Variants in SH3KBP1 observed in about 807,000 individuals in gnomAD.
The protein encoded by SH3KBP1 is SH3 domain containing kinase binding protein 1.
A neutral mutation model predicts 50.1 loss-of-function variants in SH3KBP1; 8 were observed. The ratio of observed to expected loss-of-function variants is 0.16; its 90% CI spans 0.09 to 0.29. The LOEUF is 0.29. SH3KBP1 is among the 10% of genes least tolerant of loss of function. The probability of loss-of-function intolerance (pLI) is 1.00; values close to 1 mark genes in which losing one functional copy is unlikely to be tolerated. For missense variants in SH3KBP1, 377 were observed against 535.2 expected (o/e 0.70, Z 2.92); for synonymous variants, 227 against 218.6 (o/e 1.04, Z -0.34).
intron 2 of SH3KBP1, among the ~76,000 whole-genome samples, chrX:19,769,075 A>AT (rs36059368): frequency 0.035 from 2,841 of 81,107 alleles, 95 homozygotes; most frequent in East Asian, 0.057. Flanking sequence ...CTGCGTTATA[A>AT]TTTTTTTTTT....
At chrX:19,774,654 AAAAGAAAGAAAGAAAGAAAG>A (rs3999801) in intron 2 of SH3KBP1, among the ~76,000 whole-genome samples, 993 of 77,269 alleles carry the variant, frequency 0.013, 17 homozygotes, top group African/African-American at 0.035. Context: ...GTCTCAAAAA[AAAAGAAAGAAAGAAAGAAAG>A]AAAGAAAGAA....
chrX:19,786,583 T>C (rs768955026), intron 2 of SH3KBP1, among the ~76,000 whole-genome samples: 1 of 112,239 alleles, frequency 8.9e-6, no homozygotes, highest in African/African-American at 3.2e-5. Flanking sequence ...AGCAACAGTG[T>C]GACCAAATAC....
At chrX:19,567,307 C>G (rs1033230905) in intron 13 of SH3KBP1, among the ~76,000 whole-genome samples, 1 of 105,959 alleles carries the variant, frequency 9.4e-6, no homozygotes, top group Non-Finnish European at 1.9e-5. Context: ...TCGCTTGAGC[C>G]TAGGAGTTCG....
chrX:19,567,268 C>G (rs1341403228), intron 13 of SH3KBP1, among the ~76,000 whole-genome samples: 1 of 107,652 alleles, frequency 9.3e-6, no homozygotes, highest in Admixed American at 1.0e-4. Flanking sequence ...GCTGTAATCC[C>G]GGAACTTTGG....
intron 10 of SH3KBP1, among the ~76,000 whole-genome samples, chrX:19,594,672 T>C (rs1171812532): frequency 9.0e-6 from 1 of 111,571 alleles, no homozygotes; most frequent in Non-Finnish European, 1.9e-5. Context: ...CTTGTTTTTT[T>C]TGTTTGTTTG....
At chrX:19,828,649 T>C (rs1199889083) in intron 2 of SH3KBP1, among the ~76,000 whole-genome samples, 1 of 110,660 alleles carries the variant, frequency 9.0e-6, no homozygotes, top group Non-Finnish European at 1.9e-5. Context: ...CCAGGTGAGG[T>C]GGCATATACC....
In SH3KBP1 at chrX:19,836,223, C is replaced by G; in HGVS notation, c.64G>C (p.Val22Leu). The G allele has an allele frequency of 8.3e-7, 1 of 1,210,588 alleles. No homozygotes were observed. The highest frequency in any genetic ancestry group is 1.1e-6 in the Non-Finnish European group (1 of 894,555). Residue 22 changes from valine to leucine, a missense_variant, in exon 2 of 18, where the codon GTG becomes CTG. Physicochemically the swap from Val to Leu is conservative, Grantham distance 32. This residue lies in a region of SH3KBP1 where 257 missense variants were observed against 374.2 expected (regional missense o/e 0.69). Coordinates refer to ENST00000397821, the MANE Select transcript of SH3KBP1 (RefSeq NM_031892.3). ...AQHDDELTIS[V>L]GEIITNIRKE... ...CTGATGTTGGTGATGATTTCACCCACGCTGATCGTCAGCTCATCATCGTGC... is the reference window on the plus strand; with the variant it reads ...CTGATGTTGGTGATGATTTCACCCAGGCTGATCGTCAGCTCATCATCGTGC...
chrX:19,623,300 TA>T (rs1424520428), intron 8 of SH3KBP1, among the ~76,000 whole-genome samples: 1 of 112,036 alleles, frequency 8.9e-6, no homozygotes, highest in East Asian at 2.8e-4. Context: ...AGGTCACCGG[TA>T]ATTTTGATTT....
At chrX:19,703,154 T>C (rs1463782355) in intron 4 of SH3KBP1, among the ~76,000 whole-genome samples, 1 of 111,941 alleles carries the variant, frequency 8.9e-6, no homozygotes, top group Non-Finnish European at 1.9e-5. Flanking sequence ...TCCTGCCAGG[T>C]GAGCAAGCTG....
chrX:19,858,926 A>G (rs2068717899), intron 1 of SH3KBP1, among the ~76,000 whole-genome samples: 1 of 111,930 alleles, frequency 8.9e-6, no homozygotes, highest in Non-Finnish European at 1.9e-5. Context: ...CAAAAAGAGA[A>G]ACGTGATCAA....
At chrX:19,741,677 T>G (rs183340344) in intron 3 of SH3KBP1, among the ~76,000 whole-genome samples, 37 of 111,885 alleles carry the variant, frequency 3.3e-4, no homozygotes, top group African/African-American at 1.0e-3. Context: ...CATCCCCACC[T>G]TGCCATCAAA....
chrX:19,723,774 A>T (rs185273468), intron 3 of SH3KBP1, among the ~76,000 whole-genome samples: 1,766 of 111,860 alleles, frequency 0.016, 29 homozygotes, highest in African/African-American at 0.054. Flanking sequence ...AAAATGTTTT[A>T]AAAGAGCAGA....
At chrX:19,667,582 T>C (rs767993882) in intron 6 of SH3KBP1, among the ~76,000 whole-genome samples, 1 of 111,454 alleles carries the variant, frequency 9.0e-6, no homozygotes, top group East Asian at 2.8e-4. Context: ...TGAGCTGTGA[T>C]CACACCACTG....
intron 6 of SH3KBP1, among the ~76,000 whole-genome samples, chrX:19,668,066 A>C (rs764191583): frequency 2.1e-4 from 23 of 111,546 alleles, no homozygotes; most frequent in Non-Finnish European, 3.2e-4. Context: ...TACAACGGAC[A>C]GAGACCCTAG....
At chrX:19,774,532 G>A (rs1156543584) in intron 2 of SH3KBP1, among the ~76,000 whole-genome samples, 2 of 109,122 alleles carry the variant, frequency 1.8e-5, no homozygotes, top group South Asian at 3.9e-4. Context: ...TTAGCCAGGC[G>A]TGGTGGCAGG....
chrX:19,776,980 AAG>A (rs1392248622), intron 2 of SH3KBP1, among the ~76,000 whole-genome samples: 1 of 111,418 alleles, frequency 9.0e-6, no homozygotes, highest in African/African-American at 3.3e-5. Flanking sequence ...TCTGTACTGA[AAG>A]ACCACACAAC....
intron 1 of SH3KBP1, among the ~76,000 whole-genome samples, chrX:19,838,059 AAACAACAACAACAAC>A (rs60326622): frequency 3.0e-5 from 3 of 100,686 alleles, no homozygotes; most frequent in Admixed American, 2.0e-4. Flanking sequence ...CAAATGAGTA[AAACAACAACAACAAC>A]AACAACAACA....
chrX:19,761,478 C>T (rs939685222), intron 2 of SH3KBP1, among the ~76,000 whole-genome samples: 3 of 110,532 alleles, frequency 2.7e-5, no homozygotes, highest in Non-Finnish European at 5.7e-5. Flanking sequence ...ATTCTTGCTT[C>T]AATATTCAAT....
intron 1 of SH3KBP1, among the ~76,000 whole-genome samples, chrX:19,877,849 T>C (rs1032401121): frequency 2.7e-5 from 3 of 112,315 alleles, no homozygotes; most frequent in Non-Finnish European, 5.6e-5. Flanking sequence ...CTGCACTTCA[T>C]CTTGCCACTC....
Sources: allele counts gnomAD v4.1 joint callset (sites outside exome capture counted in the v4.1 genomes callset), GRCh38; gene constraint gnomAD v4.1.1; regional missense constraint gnomAD v4.1.1; transcripts MANE v1.5; gene names NCBI Gene and HGNC (gene_info 2026-07-23, HGNC 2026-07-21).